Variants in COA1 observed in about 807,000 individuals in gnomAD.
COA1 encodes cytochrome c oxidase assembly factor 1 homolog.
Under a neutral mutation model 16.0 loss-of-function variants are expected in COA1, and 13 were observed. The ratio of observed to expected loss-of-function variants is 0.81; its 90% CI spans 0.53 to 1.29. The LOEUF is 1.29. Among genes scored for constraint, COA1 ranks in the 50% most tolerant of loss-of-function variants. COA1 has a pLI of 0.00. For synonymous variants in COA1, 65 were observed against 65.7 expected (o/e 0.99, Z 0.05); for missense variants, 179 against 177.0 (o/e 1.01, Z -0.06).
At chr7:43,614,761 T>C (rs796517151) in intron 6 of COA1, among the ~76,000 whole-genome samples, 3 of 152,348 alleles carry the variant, frequency 2.0e-5, no homozygotes, top group African/African-American at 7.2e-5. Context: ...TGGTGTATCA[T>C]AGATGCATGT....
Position 43,611,317 on chromosome 7 carries a change from A to G in COA1, c.*134-1822T>C, listed in dbSNP as rs140389636. The stretch of plus-strand genomic sequence containing the variant: ...AAGTTTTCTTGTTCTCTTTTGAAAG[A>G]TGCCAATGTAAATTCATTTTATACA... On this transcript the variant is annotated intron_variant and NMD_transcript_variant, in intron 6 of 6. Transcript: ENST00000415076. Among the ~76,000 whole-genome samples the G allele has an allele frequency of 3.8e-3, 581 of 152,338 alleles. 5 individuals carry two copies. The highest frequency in any genetic ancestry group is 0.013 in the African/African-American group (524 of 41,582).
chr7:43,647,316 A>G (rs759025687), intron 3 of COA1: 44 of 583,682 alleles, frequency 7.5e-5, no homozygotes, highest in Non-Finnish European at 1.2e-4. Context: ...TCTTATGCAT[A>G]TTAGTCCTGG....
At chr7:43,622,165 T>C (rs1487915035) in intron 6 of COA1, 1 of 152,244 alleles carries the variant, frequency 6.6e-6, no homozygotes, top group East Asian at 1.9e-4. Flanking sequence ...ACAGTCTTGC[T>C]ATGTGGTCTG....
intron 6 of COA1, among the ~76,000 whole-genome samples, chr7:43,620,594 A>G (rs2083781192): frequency 6.6e-6 from 1 of 152,066 alleles, no homozygotes; most frequent in Non-Finnish European, 1.5e-5. Context: ...GAATGGCGTG[A>G]ACCTGGGAGG....
intron 1 of COA1, among the ~76,000 whole-genome samples, chr7:43,709,046 CAG>C (rs2095111785): frequency 6.9e-6 from 1 of 145,628 alleles, no homozygotes; most frequent in Admixed American, 7.0e-5. Context: ...TTTTTTGAGA[CAG>C]AGTCTCATTC....
intron 1 of COA1, among the ~76,000 whole-genome samples, chr7:43,664,320 A>G (rs2092733460): frequency 6.6e-6 from 1 of 152,140 alleles, no homozygotes; most frequent in African/African-American, 2.4e-5. Flanking sequence ...TTCACTTCGC[A>G]TAGTATCAAG....
intron 2 of COA1, 193 bp from the exon 3 acceptor site, chr7:43,647,827 C>A: frequency 1.7e-6 from 1 of 587,058 alleles, no homozygotes; most frequent in Non-Finnish European, 3.0e-6. Flanking sequence ...CCTGAGGGTG[C>A]CCTCTCGAGA....
At chr7:43,671,928 C>T (rs535546118) in intron 1 of COA1, among the ~76,000 whole-genome samples, 2 of 152,216 alleles carry the variant, frequency 1.3e-5, no homozygotes, top group East Asian at 3.9e-4. Flanking sequence ...TCCCAAGCCA[C>T]GTGGAACTGT....
At chr7:43,678,433 G>C (rs1026068088) in intron 1 of COA1, among the ~76,000 whole-genome samples, 1 of 152,110 alleles carries the variant, frequency 6.6e-6, no homozygotes, top group Admixed American at 6.5e-5. Flanking sequence ...ATGATTACTT[G>C]GATATGATAT....
rs552857289 is a variant in COA1, at chr7:43,729,501, T to A, written c.-111A>T. 6.6e-6 allele frequency: 1 copy of A among 152,288 alleles called. No individual in the cohort carries two copies. The highest frequency in any genetic ancestry group is 1.5e-5 in the Non-Finnish European group (1 of 68,110). The allele number at this position is 152,288 out of a possible 1,614,324, so 9.4% of individuals were successfully genotyped here. A position where few individuals can be genotyped will look rare whatever the true frequency, so the allele number is the denominator to read the frequency against. ...CCAGGCTTGGGAAAGCACGGGTAAA[T>A]GCCCGCGGTCCTGCGCGCCAGCGGG... On this transcript the variant is annotated 5_prime_UTR_variant, in exon 1 of 6. Coordinates refer to ENST00000223336, the MANE Select transcript of COA1 (RefSeq NM_018224.4).
chr7:43,637,450 CTT>C (rs748017782), downstream of COA1, among the ~76,000 whole-genome samples: 3 of 152,186 alleles, frequency 2.0e-5, no homozygotes, highest in Non-Finnish European at 4.4e-5. Context: ...TATCCTGTCT[CTT>C]TATGGGATGT....
chr7:43,636,102 T>C (rs1043791185), downstream of COA1, among the ~76,000 whole-genome samples: 2 of 152,240 alleles, frequency 1.3e-5, no homozygotes, highest in Non-Finnish European at 2.9e-5. Flanking sequence ...CAGATTTCAC[T>C]TCGGCACCCA....
intron 1 of COA1, among the ~76,000 whole-genome samples, chr7:43,696,523 C>G (rs2094532342): frequency 6.6e-6 from 1 of 152,132 alleles, no homozygotes; most frequent in Non-Finnish European, 1.5e-5. Context: ...CAATGGAATA[C>G]TACACAGCAC....
At chr7:43,701,806 A>T (rs915357754) in intron 1 of COA1, among the ~76,000 whole-genome samples, 1 of 152,086 alleles carries the variant, frequency 6.6e-6, no homozygotes, top group African/African-American at 2.4e-5. Flanking sequence ...ATCTCATTGT[A>T]GTTTTCATTT....
intron 1 of COA1, among the ~76,000 whole-genome samples, chr7:43,651,482 C>T (rs565168302): frequency 6.6e-6 from 1 of 152,092 alleles, no homozygotes; most frequent in Non-Finnish European, 1.5e-5. Flanking sequence ...GTCTGCTAAA[C>T]GGATGCAGCA....
At chr7:43,616,761 G>A (rs913718730) in intron 6 of COA1, among the ~76,000 whole-genome samples, 4 of 151,902 alleles carry the variant, frequency 2.6e-5, no homozygotes, top group African/African-American at 9.7e-5. Flanking sequence ...GCCGGGCGTG[G>A]TGGCGGGCTC....
intron 1 of COA1, among the ~76,000 whole-genome samples, chr7:43,708,025 G>A (rs777530447): frequency 6.6e-6 from 1 of 152,120 alleles, no homozygotes; most frequent in Non-Finnish European, 1.5e-5. Context: ...CCAACATGGT[G>A]AAACCCCGTC....
At chr7:43,710,819 C>T (rs2095221396) in intron 1 of COA1, among the ~76,000 whole-genome samples, 1 of 152,158 alleles carries the variant, frequency 6.6e-6, no homozygotes, top group Admixed American at 6.5e-5. Flanking sequence ...CACCACAGTG[C>T]TGGTATCTGT....
chr7:43,624,486 A>T (rs373304977), intron 6 of COA1: 276 of 1,557,954 alleles, frequency 1.8e-4, no homozygotes, highest in Non-Finnish European at 2.3e-4. Context: ...AAGTTCTAAC[A>T]TGTCTTAACT....
Sources: gnomAD v4.1 joint callset for allele counts (sites outside exome capture counted in the v4.1 genomes callset) on GRCh38, gnomAD v4.1.1 for gene constraint, MANE v1.5 for transcripts, NCBI Gene and HGNC (gene_info 2026-07-23, HGNC 2026-07-21) for gene names.